The following UTP25 variants were observed in gnomAD, a reference collection of about 807,000 sequenced individuals.
UTP25 encodes the protein UTP25 small subunit processome component.
A neutral mutation model predicts 78.9 loss-of-function variants in UTP25; 50 were observed. The ratio of observed to expected loss-of-function variants is 0.63; its 90% CI spans 0.50 to 0.80. The LOEUF (loss-of-function observed/expected upper bound fraction) is 0.80, where lower values mean the gene tolerates loss of function less well. UTP25 is among the 30% of genes least tolerant of loss of function. The pLI is 0.00. For synonymous variants in UTP25, 329 were observed against 336.5 expected (o/e 0.98, Z 0.24); for missense variants, 846 against 911.3 (o/e 0.93, Z 0.92).
intron 4 of UTP25, among the ~76,000 whole-genome samples, 191 bp from the exon 5 acceptor site, chr1:209,834,884 A>AT (rs539777798): frequency 1.1e-3 from 175 of 152,278 alleles, no homozygotes; most frequent in African/African-American, 3.9e-3. Context: ...AAGTAATATA[A>AT]TTAGAGAAAT....
intron 11 of UTP25, among the ~76,000 whole-genome samples, chr1:209,848,099 G>T (rs1572008638): frequency 1.3e-5 from 2 of 152,070 alleles, no homozygotes; most frequent in Non-Finnish European, 2.9e-5. Flanking sequence ...AAATGCCCAG[G>T]TCACATCCCA....
intron 11 of UTP25, among the ~76,000 whole-genome samples, chr1:209,847,439 G>A (rs2102581351): frequency 6.6e-6 from 1 of 152,228 alleles, no homozygotes; most frequent in Non-Finnish European, 1.5e-5. Flanking sequence ...AGTAGCGTGA[G>A]TCTTCATTGA....
At chr1:209,833,748 G>C (rs1286131136) in intron 4 of UTP25, among the ~76,000 whole-genome samples, 2 of 152,308 alleles carry the variant, frequency 1.3e-5, no homozygotes, top group African/African-American at 4.8e-5. Context: ...ACCCAGGGGT[G>C]GCTAATCTGA....
chr1:209,857,104 G>A lies in UTP25; in HGVS notation c.*5657G>A, dbSNP rs971709265. The A allele has an allele frequency of 2.0e-5, 3 of 152,142 alleles. No individual in the cohort carries two copies. The highest frequency in any genetic ancestry group is 7.2e-5 in the African/African-American group (3 of 41,428). The allele number at this position is 152,142 out of a possible 1,614,324, so 9.4% of individuals were successfully genotyped here. On this transcript the variant is annotated 3_prime_UTR_variant, in exon 12 of 12. Coordinates refer to ENST00000491415, the MANE Select transcript of UTP25 (RefSeq NM_014388.7). ...AATTACCTATAGGTCATCCCTAAGA[G>A]GTGGCCTCCAGCTTCTGCTTGAATT...
At chr1:209,843,841 GT>G in intron 11 of UTP25, 145 bp downstream of exon 11, 1 of 1,145,782 alleles carries the variant, frequency 8.7e-7, no homozygotes. Context: ...AGAGTTTTTG[GT>G]TTGGACAGAC....
chr1:209,832,943 T>C (rs2078111401), intron 3 of UTP25, among the ~76,000 whole-genome samples: 1 of 152,092 alleles, frequency 6.6e-6, no homozygotes, highest in Non-Finnish European at 1.5e-5. Flanking sequence ...ACATCCAAAA[T>C]AATGTTTGGC....
At position 209,843,526 on chromosome 1, in the gene UTP25, C is replaced by T. The variant is rs528627997; in HGVS notation, c.1857C>T (p.Pro619=). Residue 619 remains proline, a synonymous_variant, in exon 11 of 12, where the codon CCC becomes CCT. Transcript: ENST00000491415. ...TGTCTCACACGCTCATCTATATCCCCTCCTACTTTGACTTCGTGCGTCTTC... is the reference window on the plus strand; with the variant it reads ...TGTCTCACACGCTCATCTATATCCCTTCCTACTTTGACTTCGTGCGTCTTC... ...AVMSHTLIYI[P]SYFDFVRLRN... 20 of 1,614,196 alleles carry T rather than the reference C, an allele frequency of 1.2e-5. No individual in the cohort carries two copies. In the South Asian group the frequency reaches 1.5e-4, roughly 12 times the overall value.
intron 6 of UTP25, 99 bp from the exon 7 acceptor site, chr1:209,838,808 GCT>G: frequency 7.6e-7 from 1 of 1,316,148 alleles, no homozygotes; most frequent in Non-Finnish European, 1.1e-6. Context: ...GGGGGCCACT[GCT>G]CTACATGGAG....
chr1:209,837,487 C>T (rs1440992517), intron 6 of UTP25, among the ~76,000 whole-genome samples: 1 of 152,186 alleles, frequency 6.6e-6, no homozygotes, highest in East Asian at 1.9e-4. Context: ...ATAAATAAAA[C>T]TCCATTATAA....
intron 2 of UTP25, 70 bp from the exon 3 acceptor site, chr1:209,830,733 T>G (rs2102567353): frequency 1.3e-6 from 2 of 1,540,952 alleles, no homozygotes; most frequent in Middle Eastern, 1.9e-4. Flanking sequence ...GATGTTGGCT[T>G]GATGATAGTT....
At chr1:209,834,984 A>G in intron 4 of UTP25, 91 bp from the exon 5 acceptor site, 1 of 995,896 alleles carries the variant, frequency 1.0e-6, no homozygotes, top group Non-Finnish European at 1.5e-6. Context: ...ATGAGTTAAC[A>G]CAATGAAGAT....
chr1:209,836,408 G>A (rs2078133271), intron 5 of UTP25, among the ~76,000 whole-genome samples: 1 of 152,154 alleles, frequency 6.6e-6, no homozygotes, highest in Non-Finnish European at 1.5e-5. Context: ...ATCTCCCTCA[G>A]AGGAATTAAG....
At position 209,851,238 on chromosome 1, in the gene UTP25, T is replaced by A. The variant is rs753690416; in HGVS notation, c.2062T>A (p.Tyr688Asn). 1.2e-6 allele frequency: 2 copies of A among 1,614,058 alleles called. No individual in the cohort carries two copies. Among genetic ancestry groups the A allele is most frequent in the Admixed American group, 3.3e-5 (2 of 59,978 alleles). The change falls in exon 12 of 12, where the codon TAT (tyrosine) becomes AAT (asparagine). Residue 688 changes from tyrosine (Y) to asparagine (N), a missense_variant. Coordinates refer to ENST00000491415, the MANE Select transcript of UTP25 (RefSeq NM_014388.7). ...AAAAGGCATCAGGAACCTGATTTTC[T>A]ATGAACTGCCGACATATCCACACTT... ...TIKGIRNLIFYELPTYPHFYS... is the reference protein window; with the variant it reads ...TIKGIRNLIFNELPTYPHFYS...
chr1:209,838,939 G>A lies in UTP25; in HGVS notation c.1093G>A (p.Ala365Thr). The A allele has an allele frequency of 6.2e-7, 1 of 1,614,128 alleles. No individual in the cohort carries two copies. ...GATAGTGGTGCCATTCCGGGAAGCT[G>A]CTTTGCGGGTGGTGCAGCTCTTCAT... is the stretch of plus-strand genomic sequence containing the variant. ...VLIVVPFREA[A>T]LRVVQLFISL... The change falls in exon 7 of 12, where the codon GCT becomes ACT. Residue 365 changes from alanine to threonine, a missense_variant. Ala to Thr is a moderately conservative substitution (Grantham distance 58, BLOSUM62 0). Transcript: ENST00000491415.
At chr1:209,846,760 G>A (rs1394441892) in intron 11 of UTP25, among the ~76,000 whole-genome samples, 2 of 152,192 alleles carry the variant, frequency 1.3e-5, no homozygotes, top group Non-Finnish European at 2.9e-5. Context: ...CTTGGAAGAG[G>A]CCCTGGCCAT....
At chr1:209,832,054 CT>C (rs1386313707) in intron 3 of UTP25, among the ~76,000 whole-genome samples, 1 of 151,158 alleles carries the variant, frequency 6.6e-6, no homozygotes, top group Non-Finnish European at 1.5e-5. Flanking sequence ...ATCAGTTTTA[CT>C]GAGATAAAAA....
In UTP25 at chr1:209,848,305, T is replaced by C. The variant is rs551088379; in HGVS notation, c.2028-2899T>C. 1.2e-4 allele frequency among the ~76,000 whole-genome samples: 19 copies of C among 152,364 alleles called. No homozygotes were observed. In the South Asian group the frequency reaches 3.7e-3, roughly 30 times the overall value. ...CCTCATCTCATCAGAAGGCACGTAA[T>C]GTCACTTTGTCTCATTCTTGGTGAT... On this transcript the variant is annotated intron_variant, in intron 11 of 11. Transcript: ENST00000491415.
At chr1:209,846,384 G>A (rs113603151) in intron 11 of UTP25, among the ~76,000 whole-genome samples, 33 of 152,146 alleles carry the variant, frequency 2.2e-4, no homozygotes, top group African/African-American at 8.0e-4. Context: ...TTTCCAGTGC[G>A]TTATCAGTGG....
At chr1:209,850,536 C>T (rs192338313) in intron 11 of UTP25, among the ~76,000 whole-genome samples, 20 of 152,360 alleles carry the variant, frequency 1.3e-4, no homozygotes, top group Non-Finnish European at 2.6e-4. Context: ...GAACGGTTGA[C>T]GTCAGCCTGA....
Sources: gnomAD v4.1 joint callset for allele counts (sites outside exome capture counted in the v4.1 genomes callset) on GRCh38, gnomAD v4.1.1 for gene constraint, MANE v1.5 for transcripts, NCBI Gene and HGNC (gene_info 2026-07-23, HGNC 2026-07-21) for gene names.